VWC2L: variants seen among roughly 807,000 people sequenced by gnomAD.
The protein encoded by VWC2L is von Willebrand factor C domain-containing protein 2-like.
In VWC2L, 10 loss-of-function variants were observed where a neutral mutation model predicts 21.6. The observed-to-expected ratio is 0.46, with a 90% confidence interval of 0.29 to 0.78. The LOEUF is 0.78. Among genes scored for constraint, VWC2L ranks in the 30% least tolerant of loss-of-function variants. The probability of loss-of-function intolerance (pLI) is 0.10; values close to 1 mark genes in which losing one functional copy is unlikely to be tolerated. For missense variants in VWC2L, 209 were observed against 277.1 expected (o/e 0.75, Z 1.74); for synonymous variants, 96 against 94.3 (o/e 1.02, Z -0.10).
At chr2:214,441,846 TTA>T (rs1702766548) in intron 3 of VWC2L, among the ~76,000 whole-genome samples, 2 of 151,714 alleles carry the variant, frequency 1.3e-5, no homozygotes, top group Non-Finnish European at 2.9e-5. Context: ...TGTGTACATT[TTA>T]TGTTATATAA....
At chr2:214,484,622 G>A (rs1381704748) in intron 3 of VWC2L, among the ~76,000 whole-genome samples, 1 of 152,198 alleles carries the variant, frequency 6.6e-6, no homozygotes, top group African/African-American at 2.4e-5. Flanking sequence ...GTTTCTCTTA[G>A]GCCTCTTTAT....
Position 214,413,740 on chromosome 2 carries a change from G to A in VWC2L, c.-80-374G>A, listed in dbSNP as rs369721371. Among the ~76,000 whole-genome samples the A allele has an allele frequency of 1.8e-4, 28 of 152,174 alleles. No homozygotes were observed. In the East Asian group the frequency reaches 2.5e-3, roughly 14 times the overall value. On this transcript the variant is annotated intron_variant, in intron 1 of 3. Transcript: ENST00000312504. ...ATATGTTCCATCACTGACTAGTCCA[G>A]TTTAAAGAATAATAGAAAATGTGAG...
At chr2:214,564,596 G>T (rs1263807753) in intron 3 of VWC2L, among the ~76,000 whole-genome samples, 1 of 152,130 alleles carries the variant, frequency 6.6e-6, no homozygotes, top group Non-Finnish European at 1.5e-5. Context: ...CAAAGAAACG[G>T]GGAGTATTGA....
intron 3 of VWC2L, among the ~76,000 whole-genome samples, chr2:214,565,569 C>T (rs1016096861): frequency 1.3e-5 from 2 of 152,122 alleles, no homozygotes; most frequent in African/African-American, 4.8e-5. Context: ...TGCTATATGC[C>T]CTCTCACTGT....
At chr2:214,547,941 T>G (rs1689735805) in intron 3 of VWC2L, among the ~76,000 whole-genome samples, 1 of 152,244 alleles carries the variant, frequency 6.6e-6, no homozygotes, top group East Asian at 1.9e-4. Context: ...AGTCCACAAA[T>G]ACATGAAGGT....
At chr2:214,456,197 A>G (rs1703052300) in intron 3 of VWC2L, among the ~76,000 whole-genome samples, 1 of 148,460 alleles carries the variant, frequency 6.7e-6, no homozygotes, top group African/African-American at 2.4e-5. Flanking sequence ...CCTCACCAGC[A>G]TCTGTTATTT....
chr2:214,559,607 C>T (rs1040453841), intron 3 of VWC2L, among the ~76,000 whole-genome samples: 3 of 142,284 alleles, frequency 2.1e-5, no homozygotes, highest in Admixed American at 1.3e-4. Flanking sequence ...CCATTCTTTT[C>T]TTTTTTCATT....
rs1000725941 is a variant in VWC2L at position 214,430,359 on chromosome 2, G to A, written c.391-6270G>A. ...CTAGGTTTTCTATTATAGTAGTACC[G>A]CCAGTTATTCTTACAGAAAAGGTAT... On this transcript the variant is annotated intron_variant, in intron 2 of 3. Transcript: ENST00000312504. Among the ~76,000 whole-genome samples the A allele has an allele frequency of 2.6e-5, 4 of 152,004 alleles. No homozygotes were observed. In the East Asian group the frequency reaches 5.8e-4, roughly 22 times the overall value.
intron 3 of VWC2L, among the ~76,000 whole-genome samples, chr2:214,441,028 T>A (rs1702757304): frequency 6.6e-6 from 1 of 152,188 alleles, no homozygotes; most frequent in Non-Finnish European, 1.5e-5. Context: ...AAGTTTTCAG[T>A]TCCTTTCAAC....
At chr2:214,568,782 T>C (rs1193282201) in intron 3 of VWC2L, among the ~76,000 whole-genome samples, 1 of 152,222 alleles carries the variant, frequency 6.6e-6, no homozygotes, top group African/African-American at 2.4e-5. Context: ...CAACTTCCTT[T>C]AATAAGTGTA....
chr2:214,420,825 C>A (rs1234509120), intron 2 of VWC2L, among the ~76,000 whole-genome samples: 1 of 152,142 alleles, frequency 6.6e-6, no homozygotes, highest in African/African-American at 2.4e-5. Context: ...ATTGGCTCTG[C>A]AAAATGCAGT....
At position 214,480,998 on chromosome 2, in the gene VWC2L, C is replaced by T. The variant is rs145418766; in HGVS notation, c.520+44240C>T. Among the ~76,000 whole-genome samples, 1,027 of 150,896 alleles carry T rather than the reference C, an allele frequency of 6.8e-3. 10 individuals are homozygous for T. Among genetic ancestry groups the T allele is most frequent in the African/African-American group, 0.024 (979 of 41,210 alleles). On this transcript the variant is annotated intron_variant, in intron 3 of 3. Transcript: ENST00000312504. ...TTTACTATTATAACCTAAAGCCAAA[C>T]TGAGCTAAAGTACTGAGCTAAGTGG... is the stretch of plus-strand genomic sequence containing the variant.
chr2:214,547,163 G>A (rs1386168457), intron 3 of VWC2L, among the ~76,000 whole-genome samples: 1 of 152,104 alleles, frequency 6.6e-6, no homozygotes, highest in African/African-American at 2.4e-5. Flanking sequence ...TAAACTGGAA[G>A]ATTGAGGAAA....
intron 3 of VWC2L, among the ~76,000 whole-genome samples, chr2:214,508,970 GCCTTGCCTTT>G (rs755890531): frequency 6.7e-6 from 1 of 148,820 alleles, no homozygotes; most frequent in Non-Finnish European, 1.5e-5. Flanking sequence ...TTCTTGTCTT[GCCTTGCCTTT>G]CCTTGTCTTT....
rs143943521 is a variant in VWC2L, at chr2:214,470,956, C to T, written c.520+34198C>T. The stretch of plus-strand genomic sequence containing the variant: ...AAAAAAAAAAAAAGATAGGTGATCG[C>T]GTAATGGGCATATTAAGACTAGGTC... On this transcript the variant is annotated intron_variant, in intron 3 of 3. Transcript: ENST00000312504. 6.7e-3 allele frequency among the ~76,000 whole-genome samples: 949 copies of T among 141,806 alleles called. 8 individuals carry two copies. Among genetic ancestry groups the T allele is most frequent in the African/African-American group, 0.025 (894 of 35,998 alleles). The allele number at this position is 141,806 out of a possible 152,430, so 93.0% of individuals were successfully genotyped here. A position where few individuals can be genotyped will look rare whatever the true frequency, so the allele number is the denominator to read the frequency against.
intron 3 of VWC2L, among the ~76,000 whole-genome samples, chr2:214,564,953 C>T (rs1559332843): frequency 6.6e-6 from 1 of 151,946 alleles, no homozygotes; most frequent in Non-Finnish European, 1.5e-5. Context: ...CTTTGTTTTC[C>T]TTCCATCCTC....
At chr2:214,554,051 A>G (rs1418146745) in intron 3 of VWC2L, among the ~76,000 whole-genome samples, 1 of 152,088 alleles carries the variant, frequency 6.6e-6, no homozygotes, top group Non-Finnish European at 1.5e-5. Context: ...TGCCCAGGCC[A>G]CTAACTCATC....
At position 214,513,455 on chromosome 2, in the gene VWC2L, A is replaced by G. The variant is rs138490413; in HGVS notation, c.521-62217A>G. ...TGATTCATTTTACCATTAGGCTGTT[A>G]TCAGAAAGATTCTCATTTGACATTT... On this transcript the variant is annotated intron_variant, in intron 3 of 3. Transcript: ENST00000312504. 1.7e-3 allele frequency among the ~76,000 whole-genome samples: 266 copies of G among 152,242 alleles called. 4 individuals carry two copies. Among genetic ancestry groups the G allele is most frequent in the African/African-American group, 6.1e-3 (251 of 41,480 alleles).
chr2:214,447,806 T>C (rs1702862151), intron 3 of VWC2L, among the ~76,000 whole-genome samples: 1 of 152,136 alleles, frequency 6.6e-6, no homozygotes, highest in South Asian at 2.1e-4. Flanking sequence ...CTAAACCTTC[T>C]TGGGCTCTTG....
Sources: allele counts gnomAD v4.1 joint callset (sites outside exome capture counted in the v4.1 genomes callset), GRCh38; gene constraint gnomAD v4.1.1; transcripts MANE v1.5; gene names NCBI Gene and HGNC (gene_info 2026-07-23, HGNC 2026-07-21).